Variants in SOX5 observed in about 807,000 individuals in gnomAD.
SOX5 encodes SRY-box transcription factor 5, also known as transcription factor SOX-5.
A neutral mutation model predicts 92.0 loss-of-function variants in SOX5; 9 were observed. That is an observed-to-expected ratio of 0.10 (90% CI 0.06 to 0.17). The LOEUF (loss-of-function observed/expected upper bound fraction) is 0.17. SOX5 is among the 10% of genes least tolerant of loss of function. SOX5 has a pLI of 1.00. For missense variants in SOX5, 642 were observed against 944.5 expected (o/e 0.68, Z 4.20); for synonymous variants, 344 against 336.3 (o/e 1.02, Z -0.25).
At position 24,204,321 on chromosome 12, in the gene SOX5, A is replaced by AT. The variant is rs574943232; in HGVS notation, c.-2+9021dup. ...GTTTTATTTTTCCATTATTATTATT[A>AT]TTATTAATTATTATTATTATTATTT... On this transcript the variant is annotated intron_variant, in intron 4 of 4. Coordinates refer to the SOX5 transcript ENST00000446891. 1.8e-4 allele frequency among the ~76,000 whole-genome samples: 26 copies of AT among 144,770 alleles called. 1 individual carries two copies. The highest frequency in any genetic ancestry group is 5.3e-4 in the East Asian group (2 of 3,752). 95.0% of individuals were successfully genotyped at this position (144,770 alleles called of 152,430 possible). A position where few individuals can be genotyped will look rare whatever the true frequency, so the allele number is the denominator to read the frequency against.
At chr12:23,793,502 G>T (rs1055396119) in intron 3 of SOX5, among the ~76,000 whole-genome samples, 7 of 152,142 alleles carry the variant, frequency 4.6e-5, no homozygotes, top group Admixed American at 4.6e-4. Flanking sequence ...ATACTGGACT[G>T]AAGGAAAAAC....
chr12:24,156,022 A>G (rs1216906575), intron 4 of SOX5, among the ~76,000 whole-genome samples: 1 of 152,014 alleles, frequency 6.6e-6, no homozygotes, highest in Non-Finnish European at 1.5e-5. Context: ...AGAGCACCCA[A>G]CTCCCAGTGG....
At chr12:24,024,576 T>C (rs572376786) in intron 4 of SOX5, among the ~76,000 whole-genome samples, 37 of 152,058 alleles carry the variant, frequency 2.4e-4, no homozygotes, top group Non-Finnish European at 4.4e-4. Flanking sequence ...GATGAATATT[T>C]TGCTTCAAAA....
intron 6 of SOX5, among the ~76,000 whole-genome samples, chr12:23,693,190 C>T (rs2089204046): frequency 6.6e-6 from 1 of 152,164 alleles, no homozygotes; most frequent in Admixed American, 6.6e-5. Flanking sequence ...GTGGCACGAT[C>T]TCGGCTCACT....
chr12:24,212,202 T>G (rs566938451), intron 4 of SOX5, among the ~76,000 whole-genome samples: 55 of 152,150 alleles, frequency 3.6e-4, no homozygotes, highest in Non-Finnish European at 6.0e-4. Flanking sequence ...TTTAAGCGGG[T>G]AAGGAGTGTT....
intron 4 of SOX5, among the ~76,000 whole-genome samples, chr12:24,185,784 A>C (rs1215993360): frequency 6.6e-6 from 1 of 152,226 alleles, no homozygotes; most frequent in Non-Finnish European, 1.5e-5. Context: ...ATTCCATAAT[A>C]AATGTTATCC....
At chr12:24,484,052 A>G (rs1946273991) in intron 1 of SOX5, among the ~76,000 whole-genome samples, 1 of 152,192 alleles carries the variant, frequency 6.6e-6, no homozygotes, top group South Asian at 2.1e-4. Flanking sequence ...CGTTTATATT[A>G]TTGATAAACA....
intron 1 of SOX5, among the ~76,000 whole-genome samples, chr12:24,557,400 C>CAAA (rs36026440): frequency 9.5e-6 from 1 of 105,538 alleles, no homozygotes; most frequent in African/African-American, 4.6e-5. Flanking sequence ...GACTTCATTT[C>CAAA]AAAAAAAAAA....
chr12:24,382,600 G>T (rs535457420), intron 1 of SOX5, among the ~76,000 whole-genome samples: 5 of 152,186 alleles, frequency 3.3e-5, no homozygotes, highest in Middle Eastern at 3.4e-3. Context: ...CACTTCAAAG[G>T]TTCACCCTGG....
At chr12:23,979,484 A>G (rs1949271821) in intron 4 of SOX5, among the ~76,000 whole-genome samples, 1 of 151,876 alleles carries the variant, frequency 6.6e-6, no homozygotes, top group Non-Finnish European at 1.5e-5. Flanking sequence ...TTGGCCTCCC[A>G]AAGTGCTGGG....
chr12:24,396,322 T>C (rs1413741525), intron 1 of SOX5, among the ~76,000 whole-genome samples: 1 of 152,134 alleles, frequency 6.6e-6, no homozygotes, highest in Non-Finnish European at 1.5e-5. Flanking sequence ...ATCCAGACGG[T>C]CCATGTAAAT....
At chr12:23,765,355 T>C (rs2094687244) in intron 3 of SOX5, among the ~76,000 whole-genome samples, 1 of 134,342 alleles carries the variant, frequency 7.4e-6, no homozygotes, top group South Asian at 2.3e-4. Flanking sequence ...TTAGCTATGA[T>C]GTTGCTGTGA....
intron 2 of SOX5, among the ~76,000 whole-genome samples, chr12:24,354,140 G>C (rs553375883): frequency 1.6e-4 from 25 of 152,198 alleles, no homozygotes; most frequent in Non-Finnish European, 2.8e-4. Context: ...AAAATGCAAG[G>C]TATGAGAGCA....
At chr12:23,647,786 TC>T (rs1312737980) in intron 7 of SOX5, among the ~76,000 whole-genome samples, 2 of 152,206 alleles carry the variant, frequency 1.3e-5, no homozygotes, top group African/African-American at 4.8e-5. Flanking sequence ...TATAGGTCCT[TC>T]CTCTGGATTA....
intron 3 of SOX5, among the ~76,000 whole-genome samples, chr12:24,238,557 A>G (rs1964965874): frequency 6.6e-6 from 1 of 152,084 alleles, no homozygotes; most frequent in Admixed American, 6.6e-5. Context: ...GGGTTTTGCC[A>G]TGTTGCCCAG....
chr12:24,059,742 A>C (rs16927121), intron 4 of SOX5, among the ~76,000 whole-genome samples: 2,526 of 152,282 alleles, frequency 0.017, 75 homozygotes, highest in African/African-American at 0.058. Flanking sequence ...TTCCTGGTGG[A>C]TAGTCATTTA....
intron 7 of SOX5, among the ~76,000 whole-genome samples, chr12:23,659,859 T>C (rs7303252): frequency 0.71 from 108,198 of 151,746 alleles, 38,937 homozygotes; most frequent in African/African-American, 0.82. Flanking sequence ...CCCAGCTACT[T>C]GGGAGGCTGA....
intron 1 of SOX5, among the ~76,000 whole-genome samples, chr12:23,937,493 T>C (rs1942829968): frequency 2.0e-5 from 3 of 150,926 alleles, no homozygotes; most frequent in Admixed American, 2.0e-4. Context: ...GGGAAAGCAT[T>C]AAATTTAGAA....
intron 1 of SOX5, among the ~76,000 whole-genome samples, chr12:24,554,754 G>A (rs1274606837): frequency 6.6e-6 from 1 of 152,114 alleles, no homozygotes; most frequent in African/African-American, 2.4e-5. Context: ...TCACAATCCT[G>A]ATTACCAGTC....
Sources: gnomAD v4.1 joint callset for allele counts (sites outside exome capture counted in the v4.1 genomes callset) on GRCh38, gnomAD v4.1.1 for gene constraint, MANE v1.5 for transcripts, NCBI Gene and HGNC (gene_info 2026-07-23, HGNC 2026-07-21) for gene names.